The following BMP6 variants were observed in gnomAD, a reference collection of about 807,000 sequenced individuals.
BMP6 encodes the protein VG-1-R.
BMP6 carries 17 observed loss-of-function variants against 54.1 expected under a neutral mutation model. The observed-to-expected ratio is 0.31, with a 90% CI of 0.22 to 0.47. The LOEUF (loss-of-function observed/expected upper bound fraction) is 0.47. Among genes scored for constraint, BMP6 ranks in the 20% least tolerant of loss-of-function variants. The probability of loss-of-function intolerance (pLI) is 1.00; values close to 1 mark genes in which losing one functional copy is unlikely to be tolerated. For missense variants in BMP6, 720 were observed against 690.4 expected (o/e 1.04, Z -0.48); for synonymous variants, 328 against 291.2 (o/e 1.13, Z -1.28).
intron 1 of BMP6, among the ~76,000 whole-genome samples, chr6:7,756,652 A>T (rs574348926): frequency 2.1e-4 from 32 of 152,362 alleles, no homozygotes; most frequent in African/African-American, 6.3e-4. Flanking sequence ...ATTCCTTTTT[A>T]AAAAGTTAGA....
chr6:7,782,438 C>T (rs541547345), intron 1 of BMP6, among the ~76,000 whole-genome samples: 45 of 152,114 alleles, frequency 3.0e-4, no homozygotes, highest in Non-Finnish European at 5.0e-4. Context: ...AGCCCAGGCA[C>T]GGTGGCACAT....
chr6:7,833,777 G>A (rs1037797179), intron 1 of BMP6, among the ~76,000 whole-genome samples: 1 of 152,222 alleles, frequency 6.6e-6, no homozygotes, highest in African/African-American at 2.4e-5. Context: ...ATTAGGCAGA[G>A]TTTATAACGT....
chr6:7,765,537 A>G (rs191177023), intron 1 of BMP6, among the ~76,000 whole-genome samples: 5 of 152,360 alleles, frequency 3.3e-5, no homozygotes, highest in Admixed American at 3.3e-4. Context: ...ACCAAGGTAC[A>G]TTTCTCGCCA....
In BMP6 at chr6:7,726,367, G is replaced by A. The variant is rs563085401; in HGVS notation, c.-589G>A. 1.3e-5 allele frequency among the ~76,000 whole-genome samples: 2 copies of A among 152,312 alleles called. No individual in the cohort carries two copies. Among genetic ancestry groups the A allele is most frequent in the East Asian group, 1.9e-4 (1 of 5,164 alleles). On this transcript the variant is annotated 5_prime_UTR_variant, in exon 1 of 7. Coordinates refer to ENST00000283147, the MANE Select transcript of BMP6 (RefSeq NM_001718.6). ...GGGCGCGGAGTTCGTGAGCGAGAAG[G>A]AAGTTAAACCTCGCGGAATAGACTG...
chr6:7,764,603 T>G (rs375100360), intron 1 of BMP6, among the ~76,000 whole-genome samples: 1 of 152,202 alleles, frequency 6.6e-6, no homozygotes, highest in East Asian at 1.9e-4. Flanking sequence ...TGCACCATGA[T>G]GGACCTCTGG....
chr6:7,861,405 C>A (rs747212136), intron 2 of BMP6, 46 bp from the exon 3 acceptor site: 1 of 1,605,012 alleles, frequency 6.2e-7, no homozygotes, highest in Non-Finnish European at 8.5e-7. Flanking sequence ...TGGGAAGGAG[C>A]TTCAGGCAGT....
intron 1 of BMP6, among the ~76,000 whole-genome samples, chr6:7,786,196 A>G (rs898452408): frequency 3.3e-5 from 5 of 152,120 alleles, no homozygotes; most frequent in African/African-American, 1.2e-4. Context: ...TTGCTGTGGT[A>G]AAGGACAGTT....
At chr6:7,833,487 C>G (rs187328794) in intron 1 of BMP6, among the ~76,000 whole-genome samples, 14 of 152,146 alleles carry the variant, frequency 9.2e-5, no homozygotes, top group Admixed American at 8.5e-4. Context: ...GCTCCAAGTG[C>G]GAGAGACATC....
At chr6:7,820,903 C>T (rs1020504365) in intron 1 of BMP6, among the ~76,000 whole-genome samples, 11 of 152,192 alleles carry the variant, frequency 7.2e-5, no homozygotes, top group African/African-American at 1.2e-4. Flanking sequence ...CGCTTGTGTG[C>T]CCGGTTCACA....
At chr6:7,785,397 G>T (rs1281570344) in intron 1 of BMP6, among the ~76,000 whole-genome samples, 2 of 152,178 alleles carry the variant, frequency 1.3e-5, no homozygotes, top group Non-Finnish European at 2.9e-5. Flanking sequence ...AATCAGAAGA[G>T]TTATTTGGTG....
intron 1 of BMP6, among the ~76,000 whole-genome samples, chr6:7,814,497 T>C (rs1475890751): frequency 6.6e-6 from 1 of 152,360 alleles, no homozygotes; most frequent in Admixed American, 6.5e-5. Flanking sequence ...GTGTTTTTTT[T>C]CTTCTTTCAC....
At chr6:7,829,417 C>T (rs1027648996) in intron 1 of BMP6, among the ~76,000 whole-genome samples, 2 of 152,074 alleles carry the variant, frequency 1.3e-5, no homozygotes, top group Non-Finnish European at 2.9e-5. Flanking sequence ...AAAAAGACTG[C>T]AGTTAGCCAG....
At chr6:7,777,301 A>G (rs1757875963) in intron 1 of BMP6, among the ~76,000 whole-genome samples, 1 of 152,234 alleles carries the variant, frequency 6.6e-6, no homozygotes, top group South Asian at 2.1e-4. Context: ...ACCTTAACAG[A>G]CGTGCACATT....
In BMP6 at chr6:7,878,613, T is replaced by G. The variant is rs546664730; in HGVS notation, c.1205-461T>G. Among the ~76,000 whole-genome samples the G allele has an allele frequency of 2.6e-5, 4 of 152,330 alleles. No homozygotes were observed. In the South Asian group the frequency reaches 8.3e-4, roughly 32 times the overall value. On this transcript the variant is annotated intron_variant, in intron 4 of 6. Coordinates refer to ENST00000283147, the MANE Select transcript of BMP6 (RefSeq NM_001718.6). ...GGCCCCACTCCACCATTACTCTTCC[T>G]TCAGGATACTCTTCTGGCCCGGCAG...
rs748381092 is a variant in BMP6, at chr6:7,848,754, C to T, written c.857+3422C>T. Reference sequence around the variant, plus strand: ...GCTTGAGTAACACATGATGCCTTTGCGCTTTATTTATTTTTAGAAGTTTAC... The same window carrying T: ...GCTTGAGTAACACATGATGCCTTTGTGCTTTATTTATTTTTAGAAGTTTAC... On this transcript the variant is annotated intron_variant, in intron 2 of 6. Coordinates refer to ENST00000283147, the MANE Select transcript of BMP6 (RefSeq NM_001718.6). Among the ~76,000 whole-genome samples the T allele has an allele frequency of 4.6e-5, 7 of 152,194 alleles. 1 individual carries two copies. Among genetic ancestry groups the T allele is most frequent in the Admixed American group, 1.3e-4 (2 of 15,278 alleles).
At chr6:7,820,387 A>C (rs1006176446) in intron 1 of BMP6, among the ~76,000 whole-genome samples, 1 of 152,220 alleles carries the variant, frequency 6.6e-6, no homozygotes, top group Admixed American at 6.5e-5. Flanking sequence ...CCAAAACTCC[A>C]CAAACCTCGC....
At chr6:7,829,384 G>C (rs1346570134) in intron 1 of BMP6, among the ~76,000 whole-genome samples, 1 of 151,976 alleles carries the variant, frequency 6.6e-6, no homozygotes, top group Non-Finnish European at 1.5e-5. Flanking sequence ...TTGATGGTAG[G>C]GATCCTGATA....
At chr6:7,765,351 G>A (rs1236818007) in intron 1 of BMP6, among the ~76,000 whole-genome samples, 1 of 152,232 alleles carries the variant, frequency 6.6e-6, no homozygotes, top group African/African-American at 2.4e-5. Context: ...ATGTAATAAT[G>A]TAATAATCTA....
Position 7,880,272 on chromosome 6 carries a change from T to G in BMP6, c.1471T>G (p.Phe491Val), listed in dbSNP as rs1759693869. The G allele has an allele frequency of 6.2e-7, 1 of 1,614,186 alleles. No individual in the cohort carries two copies. The highest frequency in any genetic ancestry group is 8.5e-7 in the Non-Finnish European group (1 of 1,180,034). The change falls in exon 7 of 7, where the codon TTT becomes GTT. Residue 491 changes from phenylalanine to valine, a missense_variant. Phe to Val is a conservative substitution (Grantham distance 50). This residue lies in a region of BMP6 where 43 missense variants were observed against 54.0 expected (regional missense o/e 0.80). Transcript: ENST00000283147. ...TKLNAISVLYFDDNSNVILKK... is the reference protein window; with the variant it reads ...TKLNAISVLYVDDNSNVILKK... The stretch of plus-strand genomic sequence containing the variant: ...GCTAAATGCCATCTCGGTTCTTTAC[T>G]TTGATGACAACTCCAATGTCATTCT...
Sources: allele counts gnomAD v4.1 joint callset (sites outside exome capture counted in the v4.1 genomes callset), GRCh38; gene constraint gnomAD v4.1.1; regional missense constraint gnomAD v4.1.1; transcripts MANE v1.5; gene names NCBI Gene and HGNC (gene_info 2026-07-23, HGNC 2026-07-21).